The following TBC1D2 variants were observed in gnomAD, a reference collection of about 807,000 sequenced individuals.
The protein encoded by TBC1D2 is TBC1 domain family member 2.
In TBC1D2, 58 loss-of-function variants were observed where a neutral mutation model predicts 91.1. That is an observed-to-expected ratio of 0.64 (90% confidence interval 0.52 to 0.79). The LOEUF (loss-of-function observed/expected upper bound fraction) is 0.79. TBC1D2 is among the 30% of genes least tolerant of loss of function. TBC1D2 has a pLI of 0.00. For synonymous variants in TBC1D2, 482 were observed against 511.5 expected, an observed-to-expected ratio of 0.94 and a Z score of 0.78; for missense variants, 1,080 against 1,208.3, an observed-to-expected ratio of 0.89 and a Z score of 1.57.
chr9:98,230,941 A>G (rs1373551053), intron 4 of TBC1D2, among the ~76,000 whole-genome samples: 1 of 152,212 alleles, frequency 6.6e-6, no homozygotes, highest in Non-Finnish European at 1.5e-5. Flanking sequence ...GTCTTGTTCC[A>G]GATCGAAGAG....
rs778198475 is a variant in TBC1D2, at chr9:98,199,573, G to A, written c.2595C>T (p.Ile865=). ...GGAAGGGGTTCATGTCATTGAAGGC[G>A]ATGTTCATCAGCTTCCTGGGAGGAG... ...TISNSRKLMN[I]AFNDMNPFRM... The change falls in exon 13 of 13, where the codon ATC becomes ATT. Residue 865 remains isoleucine (I), a synonymous_variant. Transcript: ENST00000465784. 1.2e-5 allele frequency: 19 copies of A among 1,613,926 alleles called. No individual in the cohort carries two copies. The highest frequency in any genetic ancestry group is 1.6e-4 in the Middle Eastern group (1 of 6,084).
intron 3 of TBC1D2, among the ~76,000 whole-genome samples, chr9:98,234,017 C>A (rs1829440870): frequency 6.6e-6 from 1 of 152,168 alleles, no homozygotes; most frequent in Non-Finnish European, 1.5e-5. Flanking sequence ...TCAGTGGCTC[C>A]CGACTTCTGC....
chr9:98,254,004 G>T (rs1829923697), intron 1 of TBC1D2, among the ~76,000 whole-genome samples: 1 of 152,176 alleles, frequency 6.6e-6, no homozygotes, highest in Non-Finnish European at 1.5e-5. Flanking sequence ...ATAGACCCGG[G>T]AACCACATGA....
In TBC1D2 at chr9:98,213,207, TTCCATGTCA is replaced by T. The variant is rs1166875765; in HGVS notation, c.1377_1385del (p.Asp459_Met461del). On this transcript the variant is annotated inframe_deletion and splice_region_variant, in exon 7 of 13. Coordinates refer to ENST00000465784, the MANE Select transcript of TBC1D2 (RefSeq NM_001267571.2). The stretch of plus-strand genomic sequence containing the variant: ...GGAAGCAGTTCTGGGTCCGGTAAGC[TTCCATGTCA>T]TCCTGGAGAAGAGAGTAAAATATGT... 2 of 1,614,160 alleles carry T rather than the reference TTCCATGTCA, an allele frequency of 1.2e-6. No homozygotes were observed. The highest frequency in any genetic ancestry group is 1.7e-5 in the Admixed American group (1 of 60,018).
rs776581216 is a variant in TBC1D2 at position 98,255,170 on chromosome 9, T to C, written c.369+3A>G. 2.5e-6 allele frequency: 4 copies of C among 1,596,454 alleles called. No homozygotes were observed. Among genetic ancestry groups the C allele is most frequent in the Non-Finnish European group, 3.4e-6 (4 of 1,167,526 alleles). Reference sequence around the variant, plus strand: ...AAAGGAGAAAGTCGTTGCAGGAATTTACCTTCAGGGTAATAACCCGGCTGG... The same window carrying C: ...AAAGGAGAAAGTCGTTGCAGGAATTCACCTTCAGGGTAATAACCCGGCTGG... On this transcript the variant is annotated splice_donor_region_variant and intron_variant, in intron 1 of 12. Coordinates refer to ENST00000465784, the MANE Select transcript of TBC1D2 (RefSeq NM_001267571.2).
chr9:98,201,505 C>T lies in TBC1D2; in HGVS notation c.2431G>A (p.Asp811Asn), dbSNP rs1481744211. The change falls in exon 11 of 13, where the codon GAT (aspartate) becomes AAT (asparagine). Residue 811 changes from aspartate (D) to asparagine (N), a missense_variant. Asp to Asn is a conservative substitution (Grantham distance 23). Transcript: ENST00000465784. The part of the protein sequence containing the change: ...LISNILLRVW[D>N]AFLYEGTKVV... ...TTCGTCCCCTCGTACAGGAAGGCAT[C>T]CCAGACCCGAAGGAGGATGTTGCTA... is the stretch of plus-strand genomic sequence containing the variant. 6.2e-7 allele frequency: 1 copy of T among 1,614,096 alleles called. No homozygotes were observed. Among genetic ancestry groups the T allele is most frequent in the Admixed American group, 1.7e-5 (1 of 60,022 alleles).
chr9:98,205,002 T>A (rs1828612529), intron 9 of TBC1D2, among the ~76,000 whole-genome samples: 1 of 152,242 alleles, frequency 6.6e-6, no homozygotes, highest in Non-Finnish European at 1.5e-5. Context: ...AGAAACTCTC[T>A]CAGGACAGGG....
intron 3 of TBC1D2, 75 bp downstream of exon 3, chr9:98,243,919 G>A (rs1829705760): frequency 6.5e-7 from 1 of 1,547,752 alleles, no homozygotes; most frequent in Non-Finnish European, 8.7e-7. Context: ...CCCTGCAGGA[G>A]AATCACAGTG....
intron 6 of TBC1D2, among the ~76,000 whole-genome samples, chr9:98,216,707 TC>T (rs554617397): frequency 7.9e-5 from 12 of 152,182 alleles, no homozygotes; most frequent in Non-Finnish European, 1.6e-4. Flanking sequence ...TATTTTTCTT[TC>T]TTTTTTTATT....
chr9:98,214,885 A>C, intron 6 of TBC1D2, among the ~76,000 whole-genome samples: 1 of 149,180 alleles, frequency 6.7e-6, no homozygotes, highest in Non-Finnish European at 1.5e-5. Flanking sequence ...ACCCCTCACC[A>C]CTCCACGGGG....
chr9:98,203,170 C>T, intron 10 of TBC1D2, 118 bp downstream of exon 10: 4 of 1,489,236 alleles, frequency 2.7e-6, no homozygotes, highest in Non-Finnish European at 3.6e-6. Context: ...TCCCACAGTG[C>T]AGAGGGAGAA....
At chr9:98,204,443 A>G (rs1828596393) in intron 9 of TBC1D2, among the ~76,000 whole-genome samples, 1 of 152,150 alleles carries the variant, frequency 6.6e-6, no homozygotes. Context: ...GCCTAGTAGA[A>G]TGAATGTTCC....
At chr9:98,248,468 CT>C (rs1378595184) in intron 2 of TBC1D2, among the ~76,000 whole-genome samples, 3 of 152,190 alleles carry the variant, frequency 2.0e-5, no homozygotes, top group African/African-American at 7.2e-5. Flanking sequence ...AAGGCGCTGC[CT>C]AGACAAAAAA....
chr9:98,232,342 G>GTTTTTTTTTTT lies in TBC1D2; in HGVS notation c.781+1063_781+1073dup, dbSNP rs753455224. 3.9e-4 allele frequency among the ~76,000 whole-genome samples: 34 copies of GTTTTTTTTTTT among 86,774 alleles called. 2 individuals are homozygous for GTTTTTTTTTTT. Among genetic ancestry groups the GTTTTTTTTTTT allele is most frequent in the African/African-American group, 1.1e-3 (24 of 21,994 alleles). The allele number at this position is 86,774 out of a possible 152,430, so 56.9% of individuals were successfully genotyped here. On this transcript the variant is annotated intron_variant, in intron 4 of 12. Coordinates refer to ENST00000465784, the MANE Select transcript of TBC1D2 (RefSeq NM_001267571.2). ...TTTCTTTTCTTCTTTCTCTTTTTCT[G>GTTTTTTTTTTT]TTTTTTTTTTTGACAGTGTCTCACT... is the stretch of plus-strand genomic sequence containing the variant.
In TBC1D2 at chr9:98,220,971, G is replaced by A. The variant is rs1230855733; in HGVS notation, c.1236C>T (p.His412=). 6.2e-7 allele frequency: 1 copy of A among 1,614,102 alleles called. No individual in the cohort carries two copies. The highest frequency in any genetic ancestry group is 8.5e-7 in the Non-Finnish European group (1 of 1,180,040). Residue 412 remains histidine (H), a synonymous_variant, in exon 6 of 13, where the codon CAC becomes CAT. Transcript: ENST00000465784. Reference sequence around the variant, plus strand: ...GCTTGCAGATGACCTGCTGCTTGGCGTGGTTCTTGTCCATAAGCAGCTGCA... The same window carrying A: ...GCTTGCAGATGACCTGCTGCTTGGCATGGTTCTTGTCCATAAGCAGCTGCA... ...QHVQLLMDKN[H]AKQQVICKLS...
chr9:98,212,381 C>G (rs532652147), intron 7 of TBC1D2, among the ~76,000 whole-genome samples: 3 of 152,312 alleles, frequency 2.0e-5, no homozygotes, highest in Non-Finnish European at 4.4e-5. Context: ...TCCTTCTCCA[C>G]TGCTTGCCTG....
At position 98,199,176 on chromosome 9, in the gene TBC1D2, A is replaced by T; in HGVS notation, c.*205T>A. 1.6e-6 allele frequency: 1 copy of T among 626,564 alleles called. No homozygotes were observed. Among genetic ancestry groups the T allele is most frequent in the Non-Finnish European group, 2.8e-6 (1 of 358,242 alleles). 38.8% of individuals were successfully genotyped at this position (626,564 alleles called of 1,614,324 possible). A position where few individuals can be genotyped will look rare whatever the true frequency, so the allele number is the denominator to read the frequency against. ...GAAAGGGTGGCATCCCTGGGTAAGT[A>T]AGTGCCTATGAAGAAGTAGCCCAAC... On this transcript the variant is annotated 3_prime_UTR_variant, in exon 13 of 13. Coordinates refer to ENST00000465784, the MANE Select transcript of TBC1D2 (RefSeq NM_001267571.2).
chr9:98,245,897 A>C (rs1829754784), intron 2 of TBC1D2, among the ~76,000 whole-genome samples: 2 of 152,240 alleles, frequency 1.3e-5, no homozygotes, highest in Admixed American at 6.5e-5. Flanking sequence ...ATGTGTTTAA[A>C]TAAAAGGCAG....
At chr9:98,210,387 C>G (rs1357959639) in intron 8 of TBC1D2, among the ~76,000 whole-genome samples, 1 of 152,186 alleles carries the variant, frequency 6.6e-6, no homozygotes, top group Non-Finnish European at 1.5e-5. Flanking sequence ...ATCTGGGAGG[C>G]AGCCACATTT....
Sources: allele counts gnomAD v4.1 joint callset (sites outside exome capture counted in the v4.1 genomes callset), GRCh38; gene constraint gnomAD v4.1.1; transcripts MANE v1.5; gene names NCBI Gene and HGNC (gene_info 2026-07-23, HGNC 2026-07-21).